Variants in DUSP6 observed in about 807,000 individuals in gnomAD.
DUSP6 encodes dual specificity protein phosphatase 6.
Under a neutral mutation model 28.0 loss-of-function variants are expected in DUSP6, and 6 were observed. That is an observed-to-expected ratio of 0.21 (90% CI 0.12 to 0.42). The LOEUF is 0.42. Ranked by LOEUF, DUSP6 falls within the 10% of genes least tolerant of loss-of-function variation. The pLI is 1.00. For synonymous variants in DUSP6, 252 were observed against 217.5 expected (o/e 1.16, Z -1.40); for missense variants, 451 against 498.1 (o/e 0.91, Z 0.90).
rs1334193721 is a variant in DUSP6, at chr12:89,349,234, A to G, written c.*20T>C. 1.3e-6 allele frequency: 2 copies of G among 1,593,182 alleles called. No individual in the cohort carries two copies. Among genetic ancestry groups the G allele is most frequent in the South Asian group, 2.2e-5 (2 of 89,314 alleles). On this transcript the variant is annotated 3_prime_UTR_variant, in exon 3 of 3. Transcript: ENST00000279488. ...GCTGAAGGGCCAGACACATTCCAGC[A>G]AGGAGGGGTGTGGGGTCTTTCACGT... is the stretch of plus-strand genomic sequence containing the variant.
In DUSP6 at chr12:89,348,675, G is replaced by C. The variant is rs951967620; in HGVS notation, c.*579C>G. 1 of 152,500 alleles carries C rather than the reference G, an allele frequency of 6.6e-6. No individual in the cohort carries two copies. The highest frequency in any genetic ancestry group is 2.4e-5 in the African/African-American group (1 of 41,376). The allele number at this position is 152,500 out of a possible 1,614,324, so 9.4% of individuals were successfully genotyped here. On this transcript the variant is annotated 3_prime_UTR_variant, in exon 3 of 3. Coordinates refer to ENST00000279488, the MANE Select transcript of DUSP6 (RefSeq NM_001946.4). ...TGGCATACTGCTCTTTCTCCCTTTG[G>C]ATAATTTCTTTTAAGCCCATCAAAG... is the stretch of plus-strand genomic sequence containing the variant.
At position 89,349,422 on chromosome 12, in the gene DUSP6, T is replaced by C. The variant is rs1555212353; in HGVS notation, c.978A>G (p.Lys326=). Residue 326 remains lysine (K), a synonymous_variant, in exon 3 of 3, where the codon AAA becomes AAG. Coordinates refer to ENST00000279488, the MANE Select transcript of DUSP6 (RefSeq NM_001946.4). ...MNDAYDIVKM[K]KSNISPNFNF... Reference sequence around the variant, plus strand: ...TGAAGTTAGGGGATATGTTGGATTTTTTCATTTTGACAATGTCATAGGCAT... The same window carrying C: ...TGAAGTTAGGGGATATGTTGGATTTCTTCATTTTGACAATGTCATAGGCAT... 1 of 1,614,198 alleles carries C rather than the reference T, an allele frequency of 6.2e-7. No homozygotes were observed. Among genetic ancestry groups the C allele is most frequent in the Admixed American group, 1.7e-5 (1 of 60,036 alleles).
In DUSP6 at chr12:89,350,862, G is replaced by A. The variant is rs1592766978; in HGVS notation, c.564C>T (p.Pro188=). 2 of 1,614,034 alleles carry A rather than the reference G, an allele frequency of 1.2e-6. No individual in the cohort carries two copies. Among genetic ancestry groups the A allele is most frequent in the Non-Finnish European group, 1.7e-6 (2 of 1,179,980 alleles). Reference sequence around the variant, plus strand: ...TACCATCCGAGTCTGTTGCACTATTGGGGTCTCGGTCAAGGTCAGACTCGA... The same window carrying A: ...TACCATCCGAGTCTGTTGCACTATTAGGGTCTCGGTCAAGGTCAGACTCGA... The part of the protein sequence containing the change: ...SDIESDLDRD[P]NSATDSDGSP... Residue 188 remains proline, a synonymous_variant, in exon 2 of 3, where the codon CCC becomes CCT. Transcript: ENST00000279488.
At position 89,352,196 on chromosome 12, in the gene DUSP6, C is replaced by CA; in HGVS notation, c.-158dup. Reference sequence around the variant, plus strand: ...AGGCTAGCGGTTGGGGCAGACGAGACAGAAGTAAAGCCGGAGGTTCTCTCT... The same window carrying CA: ...AGGCTAGCGGTTGGGGCAGACGAGACAAGAAGTAAAGCCGGAGGTTCTCTCT... On this transcript the variant is annotated 5_prime_UTR_variant, in exon 1 of 3. Coordinates refer to ENST00000279488, the MANE Select transcript of DUSP6 (RefSeq NM_001946.4). 8.7e-7 allele frequency: 1 copy of CA among 1,154,594 alleles called. No homozygotes were observed. The highest frequency in any genetic ancestry group is 1.2e-6 in the Non-Finnish European group (1 of 830,540). The allele number at this position is 1,154,594 out of a possible 1,614,324, so 71.5% of individuals were successfully genotyped here. A position where few individuals can be genotyped will look rare whatever the true frequency, so the allele number is the denominator to read the frequency against.
intron 1 of DUSP6, 93 bp from the exon 2 acceptor site, chr12:89,351,118 A>C: frequency 7.4e-7 from 1 of 1,353,226 alleles, no homozygotes; most frequent in Non-Finnish European, 1.0e-6. Context: ...GAAACACCAC[A>C]AGCATCCTAC....
chr12:89,351,233 T>C, intron 1 of DUSP6: 1 of 674,542 alleles, frequency 1.5e-6, no homozygotes, highest in East Asian at 2.8e-5. Flanking sequence ...CTTATTCGCT[T>C]GAATCCGGAA....
At chr12:89,351,234 G>C (rs935371083) in intron 1 of DUSP6, 2 of 673,220 alleles carry the variant, frequency 3.0e-6, no homozygotes, top group Admixed American at 3.1e-5. Context: ...TTATTCGCTT[G>C]AATCCGGAAA....
In DUSP6 at chr12:89,351,809, G is replaced by A. The variant is rs1380245708; in HGVS notation, c.231C>T (p.Phe77=). 3 of 1,610,902 alleles carry A rather than the reference G, an allele frequency of 1.9e-6. No homozygotes were observed. Among genetic ancestry groups the A allele is most frequent in the Non-Finnish European group, 2.5e-6 (3 of 1,179,322 alleles). ...QKGNLPVRAL[F]TRGEDRDRFT... The stretch of plus-strand genomic sequence containing the variant: ...AGCGGTCCCGGTCCTCGCCGCGCGT[G>A]AAGAGCGCGCGCACCGGCAGGTTAC... Residue 77 remains phenylalanine (F), a synonymous_variant, in exon 1 of 3, where the codon TTC becomes TTT. Coordinates refer to ENST00000279488, the MANE Select transcript of DUSP6 (RefSeq NM_001946.4).
At chr12:89,351,342 T>G in intron 1 of DUSP6, 1 of 578,112 alleles carries the variant, frequency 1.7e-6, no homozygotes, top group Non-Finnish European at 3.0e-6. Context: ...TAATTCAAAA[T>G]CGAACGATAG....
At position 89,352,067 on chromosome 12, in the gene DUSP6, G is replaced by T; in HGVS notation, c.-28C>A. On this transcript the variant is annotated 5_prime_UTR_variant, in exon 1 of 3. Coordinates refer to ENST00000279488, the MANE Select transcript of DUSP6 (RefSeq NM_001946.4). ...GGGTCGAGCTGCGGGAGAGGGCGGG[G>T]TGCCTACCAGACGCCCCTCGGGGCA... The T allele has an allele frequency of 6.3e-7, 1 of 1,596,930 alleles. No individual in the cohort carries two copies. Among genetic ancestry groups the T allele is most frequent in the Non-Finnish European group, 8.6e-7 (1 of 1,168,666 alleles).
chr12:89,352,188 A>G lies in DUSP6; in HGVS notation c.-149T>C. On this transcript the variant is annotated 5_prime_UTR_variant, in exon 1 of 3. Coordinates refer to ENST00000279488, the MANE Select transcript of DUSP6 (RefSeq NM_001946.4). ...CCAAGCCGAGGCTAGCGGTTGGGGC[A>G]GACGAGACAGAAGTAAAGCCGGAGG... is the stretch of plus-strand genomic sequence containing the variant. 2.0e-5 allele frequency: 24 copies of G among 1,224,818 alleles called. No individual in the cohort carries two copies. Among genetic ancestry groups the G allele is most frequent in the Non-Finnish European group, 2.7e-5 (24 of 890,850 alleles). 75.9% of individuals were successfully genotyped at this position (1,224,818 alleles called of 1,614,324 possible). A position where few individuals can be genotyped will look rare whatever the true frequency, so the allele number is the denominator to read the frequency against.
At chr12:89,351,555 G>A (rs1879188939) in intron 1 of DUSP6, 85 bp downstream of exon 1, 2 of 1,464,006 alleles carry the variant, frequency 1.4e-6, no homozygotes, top group Admixed American at 5.1e-5. Flanking sequence ...GCTGAGCGGA[G>A]CAGAGGTATT....
chr12:89,348,453 G>A lies in DUSP6; in HGVS notation c.*801C>T, dbSNP rs1059403. The A allele has an allele frequency of 7.4e-6, 1 of 135,452 alleles. No individual in the cohort carries two copies. Among genetic ancestry groups the A allele is most frequent in the Non-Finnish European group, 1.7e-5 (1 of 59,778 alleles). The allele number at this position is 135,452 out of a possible 1,614,324, so 8.4% of individuals were successfully genotyped here. A position where few individuals can be genotyped will look rare whatever the true frequency, so the allele number is the denominator to read the frequency against. On this transcript the variant is annotated 3_prime_UTR_variant, in exon 3 of 3. Coordinates refer to ENST00000279488, the MANE Select transcript of DUSP6 (RefSeq NM_001946.4). ...AAAATATTTACAAAGGTAAGGCATA[G>A]TCAAACTACATAAAGAGAAAAAATC...
chr12:89,351,657 C>A lies in DUSP6; in HGVS notation c.383G>T (p.Arg128Leu). Residue 128 changes from arginine (R) to leucine (L), a missense_variant, in exon 1 of 3, where the codon CGG (arginine) becomes CTG (leucine). Around this residue, in one of 2 missense-constraint regions of DUSP6, gnomAD observed 347 missense variants for 346.6 expected, o/e 1.00. Transcript: ENST00000279488. ...LLKKLKDEGCRAFYLEGGFSK... is the reference protein window; with the variant it reads ...LLKKLKDEGCLAFYLEGGFSK... ...GCGCGTACCTTCCAGGTAGAACGCC[C>A]GGCAGCCCTCGTCCTTGAGCTTCTT... is the stretch of plus-strand genomic sequence containing the variant. 6.2e-7 allele frequency: 1 copy of A among 1,603,174 alleles called. No homozygotes were observed. The highest frequency in any genetic ancestry group is 1.1e-5 in the South Asian group (1 of 89,922).
rs759410967 is a variant in DUSP6, at chr12:89,351,626, C to T, written c.400+14G>A. 14 of 1,586,960 alleles carry T rather than the reference C, an allele frequency of 8.8e-6. No individual in the cohort carries two copies. The highest frequency in any genetic ancestry group is 1.0e-5 in the Non-Finnish European group (12 of 1,164,850). On this transcript the variant is annotated intron_variant, in intron 1 of 2. Coordinates refer to ENST00000279488, the MANE Select transcript of DUSP6 (RefSeq NM_001946.4). The stretch of plus-strand genomic sequence containing the variant: ...CTAGCCCTGCCCCGCGCGCGGAGTT[C>T]CCTGGGCGCGTACCTTCCAGGTAGA...
chr12:89,351,440 G>C (rs1334266421), intron 1 of DUSP6, 200 bp downstream of exon 1: 5 of 905,622 alleles, frequency 5.5e-6, no homozygotes, highest in Non-Finnish European at 8.0e-6. Context: ...CCGGAAGCGA[G>C]TGGATTCTGA....
rs1879092398 is a variant in DUSP6, at chr12:89,349,194, C to T, written c.*60G>A. The T allele has an allele frequency of 1.3e-6, 2 of 1,531,928 alleles. No individual in the cohort carries two copies. The highest frequency in any genetic ancestry group is 1.8e-6 in the Non-Finnish European group (2 of 1,134,522). 94.9% of individuals were successfully genotyped at this position (1,531,928 alleles called of 1,614,324 possible). ...CACAAAGAAAGCAGCCCAGCTGATG[C>T]TGCCAAGAGAAACTGCTGAAGGGCC... On this transcript the variant is annotated 3_prime_UTR_variant, in exon 3 of 3. Transcript: ENST00000279488.
chr12:89,348,964 G>A lies in DUSP6; in HGVS notation c.*290C>T. The A allele has an allele frequency of 2.9e-6, 1 of 342,146 alleles. No homozygotes were observed. The allele number at this position is 342,146 out of a possible 1,614,324, so 21.2% of individuals were successfully genotyped here. ...ACCCTATCATTTGGTTCTACCCTAT[G>A]CGCCTGGAAGTCCTCGAATCCCAGT... On this transcript the variant is annotated 3_prime_UTR_variant, in exon 3 of 3. Transcript: ENST00000279488.
chr12:89,352,328 C>A lies in DUSP6; in HGVS notation c.-289G>T, dbSNP rs1409960417. On this transcript the variant is annotated 5_prime_UTR_variant, in exon 1 of 3. Coordinates refer to ENST00000279488, the MANE Select transcript of DUSP6 (RefSeq NM_001946.4). ...GTGAATGAAATCCAATTAATTCGGA[C>A]TCCGTGCTACTGAGAGGGGAGGAAA... The A allele has an allele frequency of 4.3e-6, 2 of 461,626 alleles. No individual in the cohort carries two copies. Among genetic ancestry groups the A allele is most frequent in the Non-Finnish European group, 7.8e-6 (2 of 255,228 alleles). The allele number at this position is 461,626 out of a possible 1,614,324, so 28.6% of individuals were successfully genotyped here.
Sources: gnomAD v4.1 joint callset for allele counts on GRCh38, gnomAD v4.1.1 for gene constraint, gnomAD v4.1.1 regional missense constraint, MANE v1.5 for transcripts, NCBI Gene and HGNC (gene_info 2026-07-23, HGNC 2026-07-21) for gene names.